RYR3: variants seen among roughly 807,000 people sequenced by gnomAD.
The protein encoded by RYR3 is ryanodine receptor 3.
RYR3 carries 207 observed loss-of-function variants against 584.3 expected under a neutral mutation model. That is an observed-to-expected ratio of 0.35 (90% CI 0.32 to 0.40). The LOEUF (loss-of-function observed/expected upper bound fraction) is 0.40, where lower values mean the gene tolerates loss of function less well. RYR3 is among the 10% of genes least tolerant of loss of function. The pLI, the probability that RYR3 is intolerant of heterozygous loss-of-function variation, is 1.00. For synonymous variants in RYR3, 2,416 were observed against 2,248.5 expected, an observed-to-expected ratio of 1.07 and a Z score of -2.11; for missense variants, 5,616 against 6,089.2, an observed-to-expected ratio of 0.92 and a Z score of 2.59.
At chr15:33,758,166 A>C (rs566876488) in intron 60 of RYR3, among the ~76,000 whole-genome samples, 1 of 152,318 alleles carries the variant, frequency 6.6e-6, no homozygotes, top group South Asian at 2.1e-4. Context: ...AGATTCCCTC[A>C]GGTGCCTACC....
intron 3 of RYR3, among the ~76,000 whole-genome samples, chr15:33,527,861 C>G (rs1294870061): frequency 1.3e-5 from 2 of 152,112 alleles, no homozygotes; most frequent in African/African-American, 4.8e-5. Context: ...CGGTGATTAA[C>G]AAAACCCTGG....
At chr15:33,352,510 C>G (rs1973418731) in intron 1 of RYR3, among the ~76,000 whole-genome samples, 2 of 152,102 alleles carry the variant, frequency 1.3e-5, no homozygotes, top group Admixed American at 1.3e-4. Flanking sequence ...GGAGTCTGCC[C>G]TTGTTGACTT....
chr15:33,499,998 T>C (rs764297535), intron 2 of RYR3, among the ~76,000 whole-genome samples: 14 of 152,198 alleles, frequency 9.2e-5, no homozygotes, highest in Non-Finnish European at 1.8e-4. Flanking sequence ...TTGCAATCTG[T>C]CTACAGCCAC....
chr15:33,775,819 A>G (rs891156814), intron 64 of RYR3, among the ~76,000 whole-genome samples: 1 of 152,100 alleles, frequency 6.6e-6, no homozygotes, highest in African/African-American at 2.4e-5. Flanking sequence ...CACACACTTC[A>G]TCCTCATTGT....
At chr15:33,736,426 A>C (rs2069467961) in intron 49 of RYR3, 101 bp downstream of exon 49, 1 of 802,342 alleles carries the variant, frequency 1.2e-6, no homozygotes, top group African/African-American at 1.7e-5. Flanking sequence ...TACATGCTAA[A>C]TGGGTTTTAC....
intron 9 of RYR3, among the ~76,000 whole-genome samples, chr15:33,549,625 A>G (rs557644196): frequency 6.6e-6 from 1 of 152,316 alleles, no homozygotes; most frequent in African/African-American, 2.4e-5. Context: ...ATCCTGCTTT[A>G]CTTATTTTCC....
At chr15:33,727,690 G>A (rs1392799641) in intron 46 of RYR3, among the ~76,000 whole-genome samples, 1 of 152,060 alleles carries the variant, frequency 6.6e-6, no homozygotes, top group African/African-American at 2.4e-5. Flanking sequence ...GCTGATTCCT[G>A]GGCAGGACGA....
At chr15:33,559,735 A>T (rs2152478687) in intron 10 of RYR3, among the ~76,000 whole-genome samples, 1 of 152,322 alleles carries the variant, frequency 6.6e-6, no homozygotes, top group South Asian at 2.1e-4. Flanking sequence ...CATGCAGCTG[A>T]GCCCTTTGCT....
At chr15:33,699,238 C>CTGTCTCTCTG (rs538283966) in intron 40 of RYR3, among the ~76,000 whole-genome samples, 1 of 30,150 alleles carries the variant, frequency 3.3e-5, no homozygotes, top group Admixed American at 3.5e-4. Flanking sequence ...GTCTGTCTGT[C>CTGTCTCTCTG]TCTCTCTCTC....
At chr15:33,855,037 C>T in intron 98 of RYR3, 125 bp downstream of exon 98, 1 of 973,994 alleles carries the variant, frequency 1.0e-6, no homozygotes, top group Non-Finnish European at 1.4e-6. Context: ...TTTTCTTGGC[C>T]AAACACTTCA....
intron 57 of RYR3, among the ~76,000 whole-genome samples, chr15:33,751,125 A>C (rs1280743924): frequency 6.6e-6 from 1 of 152,126 alleles, no homozygotes; most frequent in Non-Finnish European, 1.5e-5. Flanking sequence ...TTCTTAATCC[A>C]GTCTATCATT....
intron 46 of RYR3, 100 bp downstream of exon 46, chr15:33,726,606 G>T: frequency 7.7e-7 from 1 of 1,302,180 alleles, no homozygotes; most frequent in African/African-American, 1.5e-5. Context: ...GCCCTGACTT[G>T]CAGGGCGGGC....
chr15:33,627,165 G>A (rs1465115980), intron 20 of RYR3, among the ~76,000 whole-genome samples: 1 of 152,196 alleles, frequency 6.6e-6, no homozygotes, highest in Non-Finnish European at 1.5e-5. Flanking sequence ...CAGACACCAG[G>A]CAAAAGTGTG....
Position 33,818,670 on chromosome 15 carries a change from T to A in RYR3, c.10692T>A (p.Ala3564=), listed in dbSNP as rs1159580932. The A allele has an allele frequency of 4.3e-6, 7 of 1,613,480 alleles. No individual in the cohort carries two copies. The highest frequency in any genetic ancestry group is 5.9e-6 in the Non-Finnish European group (7 of 1,179,716). The part of the protein sequence containing the change: ...HQIILYFSRN[A]LTERSKLEDD... ...TCATTCTCTATTTTAGCCGCAACGC[T>A]CTCACGGAGAGGAGGTCAGAACCAC... is the stretch of plus-strand genomic sequence containing the variant. The change falls in exon 76 of 104, where the codon GCT becomes GCA. Residue 3564 remains alanine, a synonymous_variant. Transcript: ENST00000634891.
At chr15:33,449,000 G>A (rs140218996) in intron 1 of RYR3, among the ~76,000 whole-genome samples, 6 of 152,290 alleles carry the variant, frequency 3.9e-5, no homozygotes, top group Admixed American at 1.3e-4. Flanking sequence ...AAGTAGTCCC[G>A]GAAAGAGTTT....
chr15:33,391,622 T>C lies in RYR3; in HGVS notation c.51+80526T>C, dbSNP rs1488293775. On this transcript the variant is annotated intron_variant, in intron 1 of 103. Coordinates refer to ENST00000634891, the MANE Select transcript of RYR3 (RefSeq NM_001036.6). Reference sequence around the variant, plus strand: ...GCCTGGGCGACAGAGCGAGACTCTGTCTCAAAAAAAAAAAAAAAAATTAAA... The same window carrying C: ...GCCTGGGCGACAGAGCGAGACTCTGCCTCAAAAAAAAAAAAAAAAATTAAA... Among the ~76,000 whole-genome samples, 19 of 80,874 alleles carry C rather than the reference T, an allele frequency of 2.3e-4. No homozygotes were observed. The Admixed American group carries it at 2.5e-3, about 11-fold the overall frequency. 53.1% of individuals were successfully genotyped at this position (80,874 alleles called of 152,430 possible). A position where few individuals can be genotyped will look rare whatever the true frequency, so the allele number is the denominator to read the frequency against.
intron 103 of RYR3, 109 bp from the exon 104 acceptor site, chr15:33,865,022 A>ATAAAT: frequency 1.3e-6 from 1 of 753,502 alleles, no homozygotes. Flanking sequence ...TTGGCCTCAT[A>ATAAAT]TAAATTCACA....
intron 1 of RYR3, among the ~76,000 whole-genome samples, chr15:33,371,716 C>A (rs911451349): frequency 6.6e-6 from 1 of 152,146 alleles, no homozygotes; most frequent in Non-Finnish European, 1.5e-5. Flanking sequence ...TTCTGGGAAC[C>A]AATGACTGAT....
chr15:33,369,584 G>A (rs566694616), intron 1 of RYR3, among the ~76,000 whole-genome samples: 37 of 148,264 alleles, frequency 2.5e-4, no homozygotes, highest in African/African-American at 9.1e-4. Context: ...CTATCTATCT[G>A]TCTGTCTGTC....
Sources: gnomAD v4.1 joint callset for allele counts (sites outside exome capture counted in the v4.1 genomes callset) on GRCh38, gnomAD v4.1.1 for gene constraint, MANE v1.5 for transcripts, NCBI Gene and HGNC (gene_info 2026-07-23, HGNC 2026-07-21) for gene names.